The following RAB7A variants were observed in gnomAD, a reference collection of about 807,000 sequenced individuals.
RAB7A encodes the protein RAB7A, member RAS oncogene family, also known as ras-related protein Rab-7a.
RAB7A carries 2 observed loss-of-function variants against 24.5 expected under a neutral mutation model. The ratio of observed to expected loss-of-function variants is 0.08; its 90% confidence interval spans 0.03 to 0.26. RAB7A has a LOEUF of 0.26. Ranked by LOEUF, RAB7A falls within the 10% of genes least tolerant of loss-of-function variation. RAB7A has a pLI of 1.00. For synonymous variants in RAB7A, 100 were observed against 95.9 expected (o/e 1.04, Z -0.25); for missense variants, 118 against 255.7 (o/e 0.46, Z 3.67).
intron 2 of RAB7A, 27 bp downstream of exon 2, chr3:128,795,447 C>T (rs1933545519): frequency 6.3e-7 from 1 of 1,596,806 alleles, no homozygotes; most frequent in African/African-American, 1.3e-5. Flanking sequence ...TTTGAGCTAA[C>T]AGATTGGCTT....
chr3:128,726,923 G>A (rs2070386733), intron 1 of RAB7A, among the ~76,000 whole-genome samples: 1 of 152,244 alleles, frequency 6.6e-6, no homozygotes, highest in Non-Finnish European at 1.5e-5. Context: ...GTACATTGAG[G>A]CGCCTCTGGC....
At chr3:128,793,128 A>G (rs1034792183) in intron 1 of RAB7A, among the ~76,000 whole-genome samples, 1 of 152,156 alleles carries the variant, frequency 6.6e-6, no homozygotes, top group Non-Finnish European at 1.5e-5. Context: ...GGTTCAAGCC[A>G]TTCTCCAGCC....
intron 1 of RAB7A, among the ~76,000 whole-genome samples, chr3:128,734,752 C>T (rs1576266739): frequency 6.6e-6 from 1 of 152,150 alleles, no homozygotes; most frequent in Non-Finnish European, 1.5e-5. Context: ...CTGACTGACC[C>T]TTCAGATATT....
chr3:128,795,149 G>A, intron 1 of RAB7A: 1 of 601,670 alleles, frequency 1.7e-6, no homozygotes. Flanking sequence ...GGGGCAGGAT[G>A]GCCCTGCTGT....
rs1456140135 is a variant in RAB7A at position 128,764,970 on chromosome 3, G to A, written c.-8-30390G>A. ...TCTGGCCGTTGATGGCGGCCTCTGA[G>A]TCCTGGTGGTAGTTCTGGCGCACCT... is the stretch of plus-strand genomic sequence containing the variant. On this transcript the variant is annotated intron_variant, in intron 1 of 5. Coordinates refer to ENST00000265062, the MANE Select transcript of RAB7A (RefSeq NM_004637.6). 14 of 1,596,172 alleles carry A rather than the reference G, an allele frequency of 8.8e-6. No individual in the cohort carries two copies. The East Asian group carries it at 1.8e-4, about 20-fold the overall frequency.
chr3:128,810,782 G>A (rs199811874), intron 5 of RAB7A, among the ~76,000 whole-genome samples: 20 of 152,196 alleles, frequency 1.3e-4, no homozygotes, highest in East Asian at 9.6e-4. Flanking sequence ...AGCCGAGTGC[G>A]GTGGCTCATG....
intron 1 of RAB7A, among the ~76,000 whole-genome samples, chr3:128,744,891 T>TG (rs1382942295): frequency 4.6e-5 from 7 of 151,094 alleles, no homozygotes; most frequent in African/African-American, 1.7e-4. Flanking sequence ...TTTTTTTTTT[T>TG]GAGACAGATT....
Position 128,726,341 on chromosome 3 carries a change from C to T in RAB7A, c.-27C>T, listed in dbSNP as rs571542071. The T allele has an allele frequency of 6.6e-6, 1 of 152,452 alleles. No homozygotes were observed. The highest frequency in any genetic ancestry group is 2.1e-4 in the South Asian group (1 of 4,844). The allele number at this position is 152,452 out of a possible 1,614,324, so 9.4% of individuals were successfully genotyped here. On this transcript the variant is annotated 5_prime_UTR_variant, in exon 1 of 6. Transcript: ENST00000265062. ...CCTCGCGACGCGCCCGGCCCGGAGCCCCCAGCGCAGCGGCCGCGGTAAGCA... is the reference window on the plus strand; with the variant it reads ...CCTCGCGACGCGCCCGGCCCGGAGCTCCCAGCGCAGCGGCCGCGGTAAGCA...
rs546868558 is a variant in RAB7A at position 128,814,330 on chromosome 3, A to G, written c.*908A>G. 2.1e-4 allele frequency: 32 copies of G among 152,842 alleles called. No individual in the cohort carries two copies. The highest frequency in any genetic ancestry group is 6.7e-4 in the African/African-American group (28 of 41,582). The allele number at this position is 152,842 out of a possible 1,614,324, so 9.5% of individuals were successfully genotyped here. On this transcript the variant is annotated 3_prime_UTR_variant, in exon 6 of 6. Coordinates refer to ENST00000265062, the MANE Select transcript of RAB7A (RefSeq NM_004637.6). ...TTCCCTTCTGTGTCTAAATTTTCCA[A>G]AACGTTGATTTGCATAATACAGTGG...
At chr3:128,756,957 C>CT (rs2070734497) in intron 1 of RAB7A, among the ~76,000 whole-genome samples, 1 of 151,896 alleles carries the variant, frequency 6.6e-6, no homozygotes, top group African/African-American at 2.4e-5. Context: ...GATTCTCCTG[C>CT]TTCAGCTTCC....
At chr3:128,769,636 T>A (rs2070865703) in intron 1 of RAB7A, among the ~76,000 whole-genome samples, 1 of 152,252 alleles carries the variant, frequency 6.6e-6, no homozygotes, top group Non-Finnish European at 1.5e-5. Flanking sequence ...GTTGATGAAG[T>A]CCAATTTGTC....
chr3:128,731,818 C>T (rs2070440083), intron 1 of RAB7A, among the ~76,000 whole-genome samples: 3 of 151,832 alleles, frequency 2.0e-5, no homozygotes, highest in South Asian at 4.2e-4. Flanking sequence ...CCATCCTGGC[C>T]AACGTGGTGA....
At chr3:128,785,975 A>G (rs992147418) in intron 1 of RAB7A, among the ~76,000 whole-genome samples, 6 of 152,166 alleles carry the variant, frequency 3.9e-5, no homozygotes, top group African/African-American at 1.4e-4. Flanking sequence ...AAATGACTTC[A>G]TAATTCCACA....
chr3:128,744,079 G>A (rs1427335036), intron 1 of RAB7A, among the ~76,000 whole-genome samples: 4 of 150,966 alleles, frequency 2.6e-5, no homozygotes, highest in African/African-American at 9.7e-5. Context: ...GTGAGCCACC[G>A]CACCTGGCCA....
intron 1 of RAB7A, among the ~76,000 whole-genome samples, chr3:128,763,050 G>A (rs1315239929): frequency 1.3e-5 from 2 of 151,750 alleles, no homozygotes; most frequent in African/African-American, 4.8e-5. Context: ...GTTTTGGAAA[G>A]ATCAAGCCAG....
chr3:128,740,216 A>G (rs1180568937), intron 1 of RAB7A, among the ~76,000 whole-genome samples: 3 of 151,950 alleles, frequency 2.0e-5, no homozygotes, highest in African/African-American at 4.8e-5. Flanking sequence ...CGTCTCTACT[A>G]AAACAAATAC....
Position 128,798,932 on chromosome 3 carries a change from G to T in RAB7A, c.180+863G>T, listed in dbSNP as rs73862545. The stretch of plus-strand genomic sequence containing the variant: ...GAGGTTGTCAGTACAACCTCACTTT[G>T]AAACCAAACTATTGGGATAGGAGTA... On this transcript the variant is annotated intron_variant, in intron 3 of 5. Transcript: ENST00000265062. 1,730 of 257,126 alleles carry T rather than the reference G, an allele frequency of 6.7e-3. 34 individuals carry two copies. The highest frequency in any genetic ancestry group is 0.038 in the African/African-American group (1,597 of 42,514). 15.9% of individuals were successfully genotyped at this position (257,126 alleles called of 1,614,324 possible).
At chr3:128,800,229 A>G (rs1933669153) in intron 3 of RAB7A, among the ~76,000 whole-genome samples, 1 of 152,240 alleles carries the variant, frequency 6.6e-6, no homozygotes, top group Non-Finnish European at 1.5e-5. Context: ...AGACTGACAA[A>G]TTCTCAACAG....
intron 1 of RAB7A, chr3:128,765,061 G>A: frequency 8.9e-7 from 1 of 1,124,302 alleles, no homozygotes; most frequent in Non-Finnish European, 1.3e-6. Flanking sequence ...GCGCGGCGCT[G>A]GAGCGGCGGC....
Sources: allele counts gnomAD v4.1 joint callset (sites outside exome capture counted in the v4.1 genomes callset), GRCh38; gene constraint gnomAD v4.1.1; transcripts MANE v1.5; gene names NCBI Gene and HGNC (gene_info 2026-07-23, HGNC 2026-07-21).